GALNT14: variants seen among roughly 807,000 people sequenced by gnomAD.
GALNT14 encodes UDP-GalNAc:polypeptide N-acetylgalactosaminyltransferase 14.
Under a neutral mutation model 77.5 loss-of-function variants are expected in GALNT14, and 60 were observed. The observed-to-expected ratio is 0.77, with a 90% confidence interval of 0.63 to 0.96. GALNT14 has a LOEUF of 0.96. GALNT14 is among the 40% of genes least tolerant of loss of function. The pLI, the probability that GALNT14 is intolerant of heterozygous loss-of-function variation, is 0.00. For synonymous variants in GALNT14, 280 were observed against 281.7 expected (o/e 0.99, Z 0.06); for missense variants, 710 against 731.0 (o/e 0.97, Z 0.33).
intron 1 of GALNT14, among the ~76,000 whole-genome samples, chr2:31,100,376 A>G (rs769275046): frequency 5.3e-5 from 8 of 152,070 alleles, no homozygotes; most frequent in Non-Finnish European, 1.2e-4. Flanking sequence ...TGGTGTTTGT[A>G]TATGTGAAAA....
At chr2:31,080,144 CA>C in intron 1 of GALNT14, among the ~76,000 whole-genome samples, 1 of 152,328 alleles carries the variant, frequency 6.6e-6, no homozygotes, top group South Asian at 2.1e-4. Flanking sequence ...GCAGAATATG[CA>C]GTGAAAACAG....
intron 1 of GALNT14, among the ~76,000 whole-genome samples, chr2:31,048,286 T>G (rs1411892723): frequency 6.6e-6 from 1 of 152,200 alleles, no homozygotes; most frequent in Non-Finnish European, 1.5e-5. Context: ...TACTTTCTGT[T>G]AGGAACTGAA....
chr2:31,042,148 C>G (rs763904261), intron 1 of GALNT14, among the ~76,000 whole-genome samples: 17 of 152,018 alleles, frequency 1.1e-4, no homozygotes, highest in Non-Finnish European at 2.4e-4. Flanking sequence ...AGTGGAGATC[C>G]ATAGTCATCC....
chr2:30,966,614 C>T (rs1007997061), intron 2 of GALNT14, among the ~76,000 whole-genome samples: 1 of 152,156 alleles, frequency 6.6e-6, no homozygotes, highest in South Asian at 2.1e-4. Flanking sequence ...CACAGTGGCT[C>T]CTGGTAGCTG....
Position 30,916,826 on chromosome 2 carries a change from C to T in GALNT14, c.1381-4484G>A, listed in dbSNP as rs192391751. 3.6e-3 allele frequency among the ~76,000 whole-genome samples: 543 copies of T among 152,050 alleles called. 2 individuals carry two copies. The highest frequency in any genetic ancestry group is 0.013 in the African/African-American group (520 of 41,456). Reference sequence around the variant, plus strand: ...AGGCGCGGTGGCTCTTGCCTGTAATCCCAGCACTTTGGGAGGCTGAGATGG... The same window carrying T: ...AGGCGCGGTGGCTCTTGCCTGTAATTCCAGCACTTTGGGAGGCTGAGATGG... On this transcript the variant is annotated intron_variant, in intron 13 of 14. Transcript: ENST00000349752.
intron 9 of GALNT14, among the ~76,000 whole-genome samples, chr2:30,935,974 TAG>T (rs2148264567): frequency 6.6e-6 from 1 of 152,214 alleles, no homozygotes; most frequent in South Asian, 2.1e-4. Context: ...AAGAATTGTG[TAG>T]AGAGTTTGCT....
chr2:30,938,347 A>G (rs1244101673), intron 9 of GALNT14, among the ~76,000 whole-genome samples: 1 of 147,844 alleles, frequency 6.8e-6, no homozygotes. Context: ...TACTAGGGCA[A>G]CAGATTCCTT....
intron 1 of GALNT14, among the ~76,000 whole-genome samples, chr2:31,092,221 C>T (rs978203983): frequency 1.8e-4 from 28 of 151,778 alleles, no homozygotes; most frequent in Admixed American, 1.4e-3. Flanking sequence ...TGGGACCTCA[C>T]CTTGTGATCA....
At chr2:31,115,795 G>A (rs1022017451) in intron 1 of GALNT14, among the ~76,000 whole-genome samples, 13 of 152,190 alleles carry the variant, frequency 8.5e-5, no homozygotes, top group East Asian at 1.9e-4. Flanking sequence ...AGTGGCTCAC[G>A]CCTGTGAGGC....
At chr2:30,970,632 C>G (rs1668291134) in intron 2 of GALNT14, among the ~76,000 whole-genome samples, 3 of 152,064 alleles carry the variant, frequency 2.0e-5, no homozygotes, top group South Asian at 2.1e-4. Flanking sequence ...ACTGACACAC[C>G]AGGTGTGTGT....
At chr2:30,917,179 G>A (rs1323208604) in intron 13 of GALNT14, among the ~76,000 whole-genome samples, 1 of 150,996 alleles carries the variant, frequency 6.6e-6, no homozygotes, top group Non-Finnish European at 1.5e-5. Flanking sequence ...CCCTGCCTCT[G>A]GTAGGCAAGA....
At chr2:31,135,994 C>A (rs1679213112) in intron 1 of GALNT14, among the ~76,000 whole-genome samples, 1 of 152,152 alleles carries the variant, frequency 6.6e-6, no homozygotes, top group South Asian at 2.1e-4. Context: ...AATAAGCAAG[C>A]TTAAGGTAAT....
At chr2:30,943,590 C>T (rs1195072053) in intron 8 of GALNT14, among the ~76,000 whole-genome samples, 2 of 152,164 alleles carry the variant, frequency 1.3e-5, no homozygotes, top group East Asian at 1.9e-4. Flanking sequence ...GCAGGAAAAC[C>T]CCATGGGAGC....
At chr2:31,053,491 G>A (rs756411075) in intron 1 of GALNT14, among the ~76,000 whole-genome samples, 2 of 150,294 alleles carry the variant, frequency 1.3e-5, no homozygotes, top group Non-Finnish European at 3.0e-5. Context: ...AACCCCGATA[G>A]CCATGGTTCA....
chr2:31,094,488 T>C (rs1313328349), intron 1 of GALNT14, among the ~76,000 whole-genome samples: 1 of 152,214 alleles, frequency 6.6e-6, no homozygotes, highest in African/African-American at 2.4e-5. Context: ...TAACTGTTTG[T>C]GTGATCAGAG....
intron 1 of GALNT14, among the ~76,000 whole-genome samples, chr2:31,019,534 A>G (rs1368790381): frequency 2.0e-5 from 3 of 152,120 alleles, no homozygotes; most frequent in Non-Finnish European, 4.4e-5. Context: ...ACACGGGTCC[A>G]CCACACAGCC....
At chr2:30,912,837 G>C (rs1664450104) in intron 13 of GALNT14, among the ~76,000 whole-genome samples, 1 of 152,132 alleles carries the variant, frequency 6.6e-6, no homozygotes, top group African/African-American at 2.4e-5. Context: ...GAGCACATGA[G>C]AGTTATGACA....
At chr2:31,058,368 G>A (rs764646906) in intron 1 of GALNT14, among the ~76,000 whole-genome samples, 1 of 152,276 alleles carries the variant, frequency 6.6e-6, no homozygotes, top group Middle Eastern at 3.4e-3. Context: ...GCCTGGTAAG[G>A]GCGTTCTCGG....
intron 1 of GALNT14, among the ~76,000 whole-genome samples, chr2:31,122,651 T>C (rs1678470417): frequency 6.6e-6 from 1 of 152,242 alleles, no homozygotes; most frequent in Non-Finnish European, 1.5e-5. Flanking sequence ...TGAGCCACAC[T>C]GAGAAACAAA....
Sources: allele counts gnomAD v4.1 joint callset (sites outside exome capture counted in the v4.1 genomes callset), GRCh38; gene constraint gnomAD v4.1.1; transcripts MANE v1.5; gene names NCBI Gene and HGNC (gene_info 2026-07-23, HGNC 2026-07-21).